The following HSF2 variants were observed in gnomAD, a reference collection of about 807,000 sequenced individuals.
The protein encoded by HSF2 is heat shock transcription factor 2.
In HSF2, 21 loss-of-function variants were observed where a neutral mutation model predicts 65.0. That is an observed-to-expected ratio of 0.32 (90% confidence interval 0.23 to 0.47). HSF2 has a LOEUF of 0.47. Among genes scored for constraint, HSF2 ranks in the 20% least tolerant of loss-of-function variants. The pLI is 1.00. For synonymous variants in HSF2, 225 were observed against 219.1 expected, an observed-to-expected ratio of 1.03 and a Z score of -0.24; for missense variants, 499 against 628.1, an observed-to-expected ratio of 0.79 and a Z score of 2.20.
At chr6:122,431,785 C>G in intron 12 of HSF2, 140 bp from the exon 13 acceptor site, 1 of 684,746 alleles carries the variant, frequency 1.5e-6, no homozygotes, top group Non-Finnish European at 2.5e-6. Flanking sequence ...AATTTATTGA[C>G]ATAGTGCATC....
chr6:122,430,816 C>T (rs564873329), intron 11 of HSF2, among the ~76,000 whole-genome samples: 1 of 152,174 alleles, frequency 6.6e-6, no homozygotes, highest in Non-Finnish European at 1.5e-5. Flanking sequence ...TTCCCTACCA[C>T]AGTCAGATGT....
chr6:122,410,945 TG>T (rs1345309227), intron 1 of HSF2, among the ~76,000 whole-genome samples: 1 of 117,240 alleles, frequency 8.5e-6, no homozygotes, highest in Non-Finnish European at 1.7e-5. Flanking sequence ...TTGTTGTTTT[TG>T]GGTTTTTTTT....
chr6:122,423,466 G>C, intron 9 of HSF2, 115 bp from the exon 10 acceptor site: 4 of 510,706 alleles, frequency 7.8e-6, no homozygotes, highest in Non-Finnish European at 1.4e-5. Flanking sequence ...ATTAAGAACC[G>C]GTAAGGATGC....
chr6:122,431,796 A>G (rs1774476142), intron 12 of HSF2, 129 bp from the exon 13 acceptor site: 2 of 742,450 alleles, frequency 2.7e-6, no homozygotes, highest in South Asian at 3.8e-5. Flanking sequence ...ATAGTGCATC[A>G]TGTCATTTCT....
chr6:122,420,251 A>G, intron 7 of HSF2, 29 bp downstream of exon 7: 1 of 1,532,674 alleles, frequency 6.5e-7, no homozygotes, highest in Non-Finnish European at 9.0e-7. Context: ...TCTATTTTAT[A>G]TTTATTGTCT....
chr6:122,426,705 G>GACT (rs1262047733), intron 10 of HSF2, among the ~76,000 whole-genome samples: 35 of 152,172 alleles, frequency 2.3e-4, no homozygotes, highest in Non-Finnish European at 1.2e-4. Context: ...TCAGTGTCTA[G>GACT]AGAGAATGGA....
Position 122,399,668 on chromosome 6 carries a change from T to TGCCGAAGCTGCC in HSF2, c.-66_-65insAAGCTGCCGCCG, listed in dbSNP as rs1554207207. 4 of 1,238,824 alleles carry TGCCGAAGCTGCC rather than the reference T, an allele frequency of 3.2e-6. No homozygotes were observed. Among genetic ancestry groups the TGCCGAAGCTGCC allele is most frequent in the Non-Finnish European group, 4.7e-6 (4 of 855,020 alleles). The allele number at this position is 1,238,824 out of a possible 1,614,324, so 76.7% of individuals were successfully genotyped here. ...GTTGTGGGCGTTCTCGGGGAGCTGC[T>TGCCGAAGCTGCC]GCCGTAGCTGCCGCCGCCGCTACCA... On this transcript the variant is annotated 5_prime_UTR_variant, in exon 1 of 13. Transcript: ENST00000368455.
chr6:122,399,583 C>T (rs1244560579), upstream of HSF2: 3 of 598,848 alleles, frequency 5.0e-6, no homozygotes, highest in African/African-American at 2.0e-5. Context: ...CCCGGCCTCT[C>T]GGCCTTGCCG....
chr6:122,431,881 C>T, intron 12 of HSF2, 44 bp from the exon 13 acceptor site: 1 of 1,535,332 alleles, frequency 6.5e-7, no homozygotes, highest in Non-Finnish European at 8.9e-7. Flanking sequence ...AGCTTGAACT[C>T]AGTATAAGCT....
Position 122,419,207 on chromosome 6 carries a change from C to T in HSF2, c.571C>T (p.Leu191Phe), listed in dbSNP as rs367707485. Residue 191 changes from leucine (L) to phenylalanine (F), a missense_variant, in exon 6 of 13, where the codon CTT becomes TTT. This residue lies in a region of HSF2 where 150 missense variants were observed against 234.6 expected (regional missense o/e 0.64). Transcript: ENST00000368455. ...TGTTACATTGGTTCAAAATAACCAACTTGTGAGTTTAAAACGTAAAAGGTA... is the reference window on the plus strand; with the variant it reads ...TGTTACATTGGTTCAAAATAACCAATTTGTGAGTTTAAAACGTAAAAGGTA... ...FIVTLVQNNQ[L>F]VSLKRKRPLL... The T allele has an allele frequency of 6.0e-6, 9 of 1,498,122 alleles. No homozygotes were observed. The highest frequency in any genetic ancestry group is 1.2e-5 in the South Asian group (1 of 86,606). The allele number at this position is 1,498,122 out of a possible 1,614,324, so 92.8% of individuals were successfully genotyped here.
At chr6:122,427,812 T>A in intron 10 of HSF2, 91 bp from the exon 11 acceptor site, 1 of 815,378 alleles carries the variant, frequency 1.2e-6, no homozygotes, top group Non-Finnish European at 2.0e-6. Context: ...GGGCTACATC[T>A]CTTCACCCAA....
At position 122,427,898 on chromosome 6, in the gene HSF2, T is replaced by C; in HGVS notation, c.1177-5T>C. On this transcript the variant is annotated splice_polypyrimidine_tract_variant and splice_region_variant and intron_variant, in intron 10 of 12. Coordinates refer to ENST00000368455, the MANE Select transcript of HSF2 (RefSeq NM_004506.4). ...ACTTATCATCTTTCTTGTTTGGTCTTTCAGCTTTTCACTAGTTCTGTGCAG... is the reference window on the plus strand; with the variant it reads ...ACTTATCATCTTTCTTGTTTGGTCTCTCAGCTTTTCACTAGTTCTGTGCAG... 6.3e-7 allele frequency: 1 copy of C among 1,588,150 alleles called. No individual in the cohort carries two copies. Among genetic ancestry groups the C allele is most frequent in the Non-Finnish European group, 8.6e-7 (1 of 1,163,270 alleles).
intron 6 of HSF2, among the ~76,000 whole-genome samples, chr6:122,419,884 T>A (rs1420755123): frequency 6.6e-6 from 1 of 152,180 alleles, no homozygotes; most frequent in South Asian, 2.1e-4. Flanking sequence ...AGCAATGAAG[T>A]ATAACTGGAG....
intron 10 of HSF2, among the ~76,000 whole-genome samples, chr6:122,424,540 C>T (rs933833697): frequency 2.0e-5 from 3 of 152,058 alleles, no homozygotes; most frequent in African/African-American, 7.2e-5. Flanking sequence ...CTGCATTACT[C>T]CTCTGCTTCT....
intron 12 of HSF2, 142 bp from the exon 13 acceptor site, chr6:122,431,783 G>T: frequency 1.5e-6 from 1 of 667,130 alleles, no homozygotes; most frequent in Non-Finnish European, 2.5e-6. Flanking sequence ...AAAATTTATT[G>T]ACATAGTGCA....
At chr6:122,407,130 A>G (rs1773884457) in intron 1 of HSF2, among the ~76,000 whole-genome samples, 1 of 152,248 alleles carries the variant, frequency 6.6e-6, no homozygotes, top group African/African-American at 2.4e-5. Flanking sequence ...GAGACGGAAC[A>G]GTGAAAAAGA....
At chr6:122,418,894 C>A (rs548689080) in intron 5 of HSF2, among the ~76,000 whole-genome samples, 2 of 152,168 alleles carry the variant, frequency 1.3e-5, no homozygotes, top group African/African-American at 4.8e-5. Context: ...TCTTTTGCAC[C>A]GTAGTGTAAT....
chr6:122,430,058 G>T (rs1480945746), intron 11 of HSF2, among the ~76,000 whole-genome samples: 2 of 152,062 alleles, frequency 1.3e-5, no homozygotes, highest in Non-Finnish European at 2.9e-5. Flanking sequence ...TTTTTCTGTT[G>T]TTTGGAATAG....
intron 10 of HSF2, among the ~76,000 whole-genome samples, chr6:122,427,072 A>G (rs1273663418): frequency 1.3e-5 from 2 of 151,780 alleles, no homozygotes; most frequent in Non-Finnish European, 2.9e-5. Context: ...TTCATTATGT[A>G]TGTTTCTGTG....
Sources: gnomAD v4.1 joint callset for allele counts (sites outside exome capture counted in the v4.1 genomes callset) on GRCh38, gnomAD v4.1.1 for gene constraint, gnomAD v4.1.1 regional missense constraint, MANE v1.5 for transcripts, NCBI Gene and HGNC (gene_info 2026-07-23, HGNC 2026-07-21) for gene names.